KCNN2: variants seen among roughly 807,000 people sequenced by gnomAD.
The protein encoded by KCNN2 is potassium calcium-activated channel subfamily N member 2.
In KCNN2, 24 loss-of-function variants were observed where a neutral mutation model predicts 55.5. That is an observed-to-expected ratio of 0.43 (90% CI 0.31 to 0.61). KCNN2 has a LOEUF of 0.61. Ranked by LOEUF, KCNN2 falls within the 20% of genes least tolerant of loss-of-function variation. The pLI, the probability that KCNN2 is intolerant of heterozygous loss-of-function variation, is 0.08. For synonymous variants in KCNN2, 431 were observed against 336.1 expected (o/e 1.28, Z -3.09); for missense variants, 754 against 853.6 (o/e 0.88, Z 1.45).
At chr5:114,367,171 T>C (rs898323049) in intron 2 of KCNN2, among the ~76,000 whole-genome samples, 1 of 152,096 alleles carries the variant, frequency 6.6e-6, no homozygotes, top group Non-Finnish European at 1.5e-5. Flanking sequence ...TTCAGGTGAG[T>C]CATGGATGGA....
intron 1 of KCNN2, among the ~76,000 whole-genome samples, chr5:114,191,416 G>A (rs1022139633): frequency 3.9e-5 from 6 of 152,124 alleles, no homozygotes; most frequent in African/African-American, 1.2e-4. Context: ...ATGCCCTCCT[G>A]TTGCAACTCT....
intron 2 of KCNN2, among the ~76,000 whole-genome samples, chr5:114,329,774 C>T (rs1386641742): frequency 6.6e-6 from 1 of 152,170 alleles, no homozygotes; most frequent in African/African-American, 2.4e-5. Context: ...ATACACCCAG[C>T]TCCCTCAAGA....
At chr5:114,232,617 G>C (rs573264312) in intron 2 of KCNN2, among the ~76,000 whole-genome samples, 8 of 149,950 alleles carry the variant, frequency 5.3e-5, no homozygotes, top group African/African-American at 1.5e-4. Context: ...CTTTCCTATT[G>C]TCATCTTTTG....
Position 114,058,707 on chromosome 5 carries a change from T to G in KCNN2, c.-271+2207T>G, listed in dbSNP as rs185434660. Among the ~76,000 whole-genome samples the G allele has an allele frequency of 3.4e-3, 511 of 151,896 alleles. 1 individual carries two copies. The highest frequency in any genetic ancestry group is 0.012 in the African/African-American group (489 of 41,386). ...GCAGTGGGTCAGCAGATTAGAGAGG[T>G]GGACTGGGACCAGATCCTGCAGGGC... On this transcript the variant is annotated intron_variant, in intron 1 of 10. Coordinates refer to the KCNN2 transcript ENST00000512097.
At position 114,481,734 on chromosome 5, in the gene KCNN2, C is replaced by T. The variant is rs577137754; in HGVS notation, c.1891-5316C>T. On this transcript the variant is annotated intron_variant, in intron 5 of 7. Transcript: ENST00000673685. ...ATGGAACAGAAATGAAGTCCACACA[C>T]CTACAACCATCATGATCTTCAACAA... Among the ~76,000 whole-genome samples the T allele has an allele frequency of 2.6e-5, 4 of 151,144 alleles. No homozygotes were observed. In the South Asian group the frequency reaches 8.3e-4, roughly 31 times the overall value.
intron 2 of KCNN2, among the ~76,000 whole-genome samples, chr5:114,225,572 G>C (rs1332784485): frequency 6.6e-6 from 1 of 152,020 alleles, no homozygotes; most frequent in Non-Finnish European, 1.5e-5. Flanking sequence ...AACAGTGCTT[G>C]ATACATAGTA....
intron 1 of KCNN2, among the ~76,000 whole-genome samples, chr5:114,213,926 G>A (rs1220532985): frequency 6.6e-6 from 1 of 152,016 alleles, no homozygotes; most frequent in African/African-American, 2.4e-5. Context: ...AGCTTCAAAT[G>A]AGACATCAAG....
chr5:114,105,769 A>C (rs1751470200), intron 1 of KCNN2, among the ~76,000 whole-genome samples: 3 of 152,048 alleles, frequency 2.0e-5, no homozygotes, highest in African/African-American at 7.2e-5. Context: ...TGAATGTCTA[A>C]TGCTGGACTG....
chr5:114,357,634 A>AT (rs1389013650), upstream of KCNN2, among the ~76,000 whole-genome samples: 5 of 120,830 alleles, frequency 4.1e-5, no homozygotes, highest in African/African-American at 1.6e-4. Flanking sequence ...TGAACTCATC[A>AT]TTTTTTATGG....
chr5:114,162,751 C>G (rs1248151043), intron 1 of KCNN2, among the ~76,000 whole-genome samples: 3 of 152,124 alleles, frequency 2.0e-5, no homozygotes, highest in Non-Finnish European at 4.4e-5. Context: ...TGATCTCAGT[C>G]TGCTGTGCTA....
intron 2 of KCNN2, among the ~76,000 whole-genome samples, chr5:114,343,424 C>A (rs1561578451): frequency 6.6e-6 from 1 of 152,102 alleles, no homozygotes; most frequent in Non-Finnish European, 1.5e-5. Flanking sequence ...TGAAAGGTAG[C>A]TTGTGGCCTG....
At chr5:114,438,291 G>T (rs1290033408) in intron 3 of KCNN2, among the ~76,000 whole-genome samples, 2 of 152,088 alleles carry the variant, frequency 1.3e-5, no homozygotes, top group African/African-American at 4.8e-5. Context: ...GCATCAGCTC[G>T]GTTTGGATGA....
At chr5:114,293,053 C>G (rs1208171600) in intron 2 of KCNN2, among the ~76,000 whole-genome samples, 2 of 152,134 alleles carry the variant, frequency 1.3e-5, no homozygotes, top group East Asian at 1.9e-4. Context: ...TATCCTGAGA[C>G]TTTGCTGAAG....
rs73782237 is a variant in KCNN2, at chr5:114,424,985, G to A, written c.1637+20129G>A. On this transcript the variant is annotated intron_variant, in intron 3 of 7. Coordinates refer to ENST00000673685, the MANE Select transcript of KCNN2 (RefSeq NM_021614.4). ...TAAAGACGTTGTTTATATAATGGGG[G>A]AAGAAGAAAGGACAAATACGTCAAG... 6.2e-4 allele frequency among the ~76,000 whole-genome samples: 94 copies of A among 152,312 alleles called. 1 individual carries two copies. Among genetic ancestry groups the A allele is most frequent in the African/African-American group, 2.1e-3 (88 of 41,562 alleles).
chr5:114,134,511 T>TTTATTTA (rs1752133655), intron 1 of KCNN2, among the ~76,000 whole-genome samples: 2 of 109,264 alleles, frequency 1.8e-5, no homozygotes, highest in African/African-American at 8.2e-5. Context: ...TTATTTATTT[T>TTTATTTA]GTCTCCTAGG....
rs1323050442 is a variant in KCNN2 at position 114,379,716 on chromosome 5, CATATT to C, written c.1218+15720_1218+15724del. 6.0e-5 allele frequency among the ~76,000 whole-genome samples: 7 copies of C among 117,278 alleles called. 1 individual carries two copies. Among genetic ancestry groups the C allele is most frequent in the African/African-American group, 2.3e-4 (6 of 26,496 alleles). 76.9% of individuals were successfully genotyped at this position (117,278 alleles called of 152,430 possible). On this transcript the variant is annotated intron_variant, in intron 2 of 7. Transcript: ENST00000673685. ...TATATTTATAGAATATATTATATAA[CATATT>C]ATATATTTATAGAATATATTATATA...
At chr5:114,486,012 A>G (rs1037547035) in intron 5 of KCNN2, among the ~76,000 whole-genome samples, 1 of 152,160 alleles carries the variant, frequency 6.6e-6, no homozygotes, top group Non-Finnish European at 1.5e-5. Flanking sequence ...CTGCAGTCCT[A>G]TGAGGTTAGC....
chr5:114,172,611 T>A (rs1390287312), intron 1 of KCNN2, among the ~76,000 whole-genome samples: 1 of 148,158 alleles, frequency 6.7e-6, no homozygotes, highest in Non-Finnish European at 1.5e-5. Flanking sequence ...TATATTATAG[T>A]TTATATAACA....
At chr5:114,366,459 C>T (rs1231144209) in intron 2 of KCNN2, among the ~76,000 whole-genome samples, 2 of 151,998 alleles carry the variant, frequency 1.3e-5, no homozygotes, top group Admixed American at 1.3e-4. Flanking sequence ...AGGGATTTCT[C>T]CTTTAAGCTG....
Sources: gnomAD v4.1 joint callset for allele counts (sites outside exome capture counted in the v4.1 genomes callset) on GRCh38, gnomAD v4.1.1 for gene constraint, MANE v1.5 for transcripts, NCBI Gene and HGNC (gene_info 2026-07-23, HGNC 2026-07-21) for gene names.